CCDC171: variants seen among roughly 807,000 people sequenced by gnomAD.
The protein encoded by CCDC171 is coiled-coil domain containing 171.
CCDC171 carries 177 observed loss-of-function variants against 168.2 expected under a neutral mutation model. The ratio of observed to expected loss-of-function variants is 1.05; its 90% CI spans 0.93 to 1.19. CCDC171 has a LOEUF of 1.19. Ranked by LOEUF, CCDC171 falls within the 50% of genes most tolerant of loss-of-function variation. CCDC171 has a pLI of 0.00. For synonymous variants in CCDC171, 687 were observed against 540.8 expected, an observed-to-expected ratio of 1.27 and a Z score of -3.75; for missense variants, 1,991 against 1,539.0, an observed-to-expected ratio of 1.29 and a Z score of -4.91.
chr9:15,564,013 T>C lies in CCDC171; in HGVS notation c.-76T>C, dbSNP rs372030227. 188 of 1,161,238 alleles carry C rather than the reference T, an allele frequency of 1.6e-4. No homozygotes were observed. The African/African-American group carries it at 2.4e-3, about 15-fold the overall frequency. 71.9% of individuals were successfully genotyped at this position (1,161,238 alleles called of 1,614,324 possible). On this transcript the variant is annotated 5_prime_UTR_variant, in exon 2 of 26. Coordinates refer to ENST00000380701, the MANE Select transcript of CCDC171 (RefSeq NM_173550.4). ...ATCTAACGTGAAGCCACAGACATCT[T>C]GGGCAATTTTAATCATCAAGAAAGA...
At chr9:15,610,469 A>AAAAAAAAAAAAAAAAAAC (rs1432453522) in intron 6 of CCDC171, among the ~76,000 whole-genome samples, 4 of 136,270 alleles carry the variant, frequency 2.9e-5, no homozygotes, top group Admixed American at 7.4e-5. Flanking sequence ...AAAAAAAAAA[A>AAAAAAAAAAAAAAAAAAC]AAAAAAAAAA....
intron 21 of CCDC171, among the ~76,000 whole-genome samples, chr9:15,815,033 G>A (rs2059511931): frequency 6.6e-6 from 1 of 152,138 alleles, no homozygotes; most frequent in Admixed American, 6.5e-5. Context: ...ACTGGCTTAG[G>A]GGGAAAAAAT....
chr9:15,560,250 A>G (rs1189795077), intron 1 of CCDC171, among the ~76,000 whole-genome samples: 1 of 151,854 alleles, frequency 6.6e-6, no homozygotes, highest in Non-Finnish European at 1.5e-5. Flanking sequence ...CGTTCTCTGT[A>G]TTTCCTGAAT....
At chr9:15,619,389 A>G (rs2044337496) in intron 6 of CCDC171, among the ~76,000 whole-genome samples, 1 of 152,230 alleles carries the variant, frequency 6.6e-6, no homozygotes, top group Admixed American at 6.5e-5. Context: ...CATAAGTGAT[A>G]AGAGAGCCAG....
chr9:15,998,947 A>G (rs1190652118), intron 3 of CCDC171, among the ~76,000 whole-genome samples: 2 of 152,188 alleles, frequency 1.3e-5, no homozygotes. Flanking sequence ...TGTGAAAAAG[A>G]GACAACTTTT....
chr9:15,859,753 G>C (rs575759918), intron 23 of CCDC171, among the ~76,000 whole-genome samples: 1 of 151,580 alleles, frequency 6.6e-6, no homozygotes, highest in South Asian at 2.1e-4. Context: ...TCAAACCCCT[G>C]GGCTCAAGAG....
the CCDC171 span, among the ~76,000 whole-genome samples, chr9:16,088,584 C>T: frequency 2.6e-5 from 4 of 151,860 alleles, no homozygotes; most frequent in South Asian, 8.3e-4. Flanking sequence ...TAACAGAGAC[C>T]AAATCATGAG....
At chr9:15,735,362 A>G (rs562110777) in intron 16 of CCDC171, among the ~76,000 whole-genome samples, 46 of 152,280 alleles carry the variant, frequency 3.0e-4, no homozygotes, top group African/African-American at 1.1e-3. Flanking sequence ...TAATCTTAGC[A>G]TTTATGTTCT....
In CCDC171 at chr9:15,754,124, A is replaced by G. The variant is rs547369170; in HGVS notation, c.2671+8493A>G. 6.6e-5 allele frequency among the ~76,000 whole-genome samples: 10 copies of G among 152,354 alleles called. No homozygotes were observed. The East Asian group carries it at 1.9e-3, about 29-fold the overall frequency. On this transcript the variant is annotated intron_variant, in intron 18 of 25. Transcript: ENST00000380701. ...GCGTATGAGTAGTTATGAAGAGAGA[A>G]TAATGACAGTAATAAATATAAAACC...
intron 2 of CCDC171, among the ~76,000 whole-genome samples, chr9:15,568,535 G>T (rs574586673): frequency 9.8e-5 from 15 of 152,298 alleles, no homozygotes; most frequent in African/African-American, 3.1e-4. Context: ...CTCCCAAAGT[G>T]CTGGGATTAC....
intron 10 of CCDC171, among the ~76,000 whole-genome samples, chr9:15,684,529 T>A (rs539068082): frequency 3.3e-5 from 5 of 152,208 alleles, no homozygotes; most frequent in African/African-American, 1.2e-4. Context: ...TTTTTATATG[T>A]TTCTTCAAGG....
At chr9:15,980,561 T>A (rs550991934) in intron 3 of CCDC171, among the ~76,000 whole-genome samples, 2 of 152,122 alleles carry the variant, frequency 1.3e-5, no homozygotes, top group African/African-American at 4.8e-5. Context: ...AGACCTACTT[T>A]AATTGATTTC....
chr9:15,850,128 T>C (rs1195099353), intron 23 of CCDC171: 1 of 151,978 alleles, frequency 6.6e-6, no homozygotes, highest in South Asian at 2.1e-4. Flanking sequence ...GTATGTTTTT[T>C]TGAACTTGGT....
At chr9:15,636,743 C>G (rs1377941514) in intron 7 of CCDC171, among the ~76,000 whole-genome samples, 1 of 117,954 alleles carries the variant, frequency 8.5e-6, no homozygotes, top group African/African-American at 3.2e-5. Context: ...AAGTGAGACC[C>G]TGCCTCAAAA....
intron 3 of CCDC171, among the ~76,000 whole-genome samples, chr9:16,016,487 G>A (rs761931845): frequency 1.3e-5 from 2 of 152,180 alleles, no homozygotes; most frequent in Non-Finnish European, 2.9e-5. Flanking sequence ...ACAACTCACA[G>A]GGGAGAGTGC....
rs145424889 is a variant in CCDC171, at chr9:15,983,923, A to T, written n.369-36666A>T. 5.3e-5 allele frequency among the ~76,000 whole-genome samples: 8 copies of T among 151,924 alleles called. No homozygotes were observed. In the East Asian group the frequency reaches 1.4e-3, roughly 26 times the overall value. On this transcript the variant is annotated intron_variant and non_coding_transcript_variant, in intron 3 of 9. Coordinates refer to the CCDC171 transcript ENST00000486641. ...CAACTGCTAGATAAGAAATTTAAGT[A>T]GATAAAACAGAAACTCTACTAAAAA...
intron 7 of CCDC171, among the ~76,000 whole-genome samples, chr9:15,650,652 C>T (rs547617608): frequency 6.6e-6 from 1 of 152,142 alleles, no homozygotes; most frequent in East Asian, 1.9e-4. Context: ...AGTATTTTCT[C>T]CCATTCTTTA....
At chr9:15,754,311 ACTGGGC>A (rs2055954295) in intron 18 of CCDC171, among the ~76,000 whole-genome samples, 1 of 152,110 alleles carries the variant, frequency 6.6e-6, no homozygotes, top group African/African-American at 2.4e-5. Flanking sequence ...GTTGTGTGAA[ACTGGGC>A]ACGTTATTTA....
At position 15,971,697 on chromosome 9, in the gene CCDC171, T is replaced by A. The variant is rs1589283453; in HGVS notation, c.3842T>A (p.Leu1281Ter). The A allele has an allele frequency of 6.2e-7, 1 of 1,613,956 alleles. No homozygotes were observed. The highest frequency in any genetic ancestry group is 2.2e-5 in the East Asian group (1 of 44,872). The change falls in exon 26 of 26, where the codon TTG becomes TAG. Residue 1281 changes from leucine to a stop codon, truncating the protein, a stop_gained. Transcript: ENST00000380701. LOFTEE classifies it high-confidence loss of function. ...DTTGIGDFLP[L>*]KAELDTTYTF... ...ACTGGTATTGGGGATTTCTTACCAT[T>A]GAAAGCTGAACTTGATACTACTTAC...
Sources: gnomAD v4.1 joint callset for allele counts (sites outside exome capture counted in the v4.1 genomes callset) on GRCh38, gnomAD v4.1.1 for gene constraint, MANE v1.5 for transcripts, NCBI Gene and HGNC (gene_info 2026-07-23, HGNC 2026-07-21) for gene names.